CDYL2: variants seen among roughly 807,000 people sequenced by gnomAD.
The protein encoded by CDYL2 is chromodomain Y-like protein 2.
A neutral mutation model predicts 49.4 loss-of-function variants in CDYL2; 23 were observed. That is an observed-to-expected ratio of 0.47 (90% CI 0.34 to 0.66). The LOEUF (loss-of-function observed/expected upper bound fraction) is 0.66. CDYL2 is among the 30% of genes least tolerant of loss of function. The pLI is 0.01. For missense variants in CDYL2, 678 were observed against 656.4 expected, an observed-to-expected ratio of 1.03 and a Z score of -0.36; for synonymous variants, 360 against 268.8, an observed-to-expected ratio of 1.34 and a Z score of -3.32.
In CDYL2 at chr16:80,666,275, T is replaced by C. The variant is rs1274124302; in HGVS notation, c.616+18263A>G. 2.0e-5 allele frequency among the ~76,000 whole-genome samples: 3 copies of C among 152,184 alleles called. No homozygotes were observed. The East Asian group carries it at 5.8e-4, about 29-fold the overall frequency. On this transcript the variant is annotated intron_variant, in intron 2 of 6. Coordinates refer to ENST00000570137, the MANE Select transcript of CDYL2 (RefSeq NM_152342.4). ...TATGCTACCTGCAAAATGAGAGCAA[T>C]TTTAAAGGTGAAATCTTACAATACT...
chr16:80,718,032 C>G (rs1177498383), intron 1 of CDYL2, among the ~76,000 whole-genome samples: 1 of 152,148 alleles, frequency 6.6e-6, no homozygotes, highest in Admixed American at 6.5e-5. Flanking sequence ...TACCAATCAT[C>G]CTGACAAACC....
At chr16:80,643,573 T>C (rs551635249) in intron 2 of CDYL2, among the ~76,000 whole-genome samples, 5 of 152,206 alleles carry the variant, frequency 3.3e-5, no homozygotes, top group Admixed American at 6.5e-5. Context: ...CCTGCGTGGG[T>C]ATCCACGCAT....
At chr16:80,627,173 T>C (rs1049359830) in intron 3 of CDYL2, among the ~76,000 whole-genome samples, 21 of 152,204 alleles carry the variant, frequency 1.4e-4, no homozygotes, top group African/African-American at 4.1e-4. Flanking sequence ...GCAACAGATA[T>C]TCATTTTGAA....
chr16:80,757,065 T>TA (rs1332833545), intron 1 of CDYL2, among the ~76,000 whole-genome samples: 3 of 151,836 alleles, frequency 2.0e-5, no homozygotes, highest in Non-Finnish European at 2.9e-5. Context: ...GTAACACCAG[T>TA]AAAAAAATGC....
intron 2 of CDYL2, among the ~76,000 whole-genome samples, chr16:80,674,110 G>C (rs1909643652): frequency 6.6e-6 from 1 of 152,182 alleles, no homozygotes; most frequent in Non-Finnish European, 1.5e-5. Flanking sequence ...GGAGGAATTT[G>C]TTACAGCAGC....
intron 3 of CDYL2, among the ~76,000 whole-genome samples, chr16:80,630,338 G>A (rs1340343684): frequency 1.3e-5 from 2 of 152,222 alleles, no homozygotes; most frequent in African/African-American, 2.4e-5. Flanking sequence ...TTTCCATGAT[G>A]AGTGGGCAAC....
At chr16:80,780,670 G>T (rs1907234863) in intron 1 of CDYL2, among the ~76,000 whole-genome samples, 1 of 152,048 alleles carries the variant, frequency 6.6e-6, no homozygotes, top group African/African-American at 2.4e-5. Context: ...CTCCCAAAGT[G>T]CTGGATTACA....
chr16:80,632,338 A>G, intron 3 of CDYL2, among the ~76,000 whole-genome samples: 1 of 152,332 alleles, frequency 6.6e-6, no homozygotes, highest in East Asian at 1.9e-4. Context: ...GCACGTTTCC[A>G]TTGATACAAA....
At chr16:80,757,547 A>ATATAT (rs904058290) in intron 1 of CDYL2, among the ~76,000 whole-genome samples, 3 of 145,002 alleles carry the variant, frequency 2.1e-5, no homozygotes, top group Admixed American at 6.8e-5. Context: ...TCAAAAAAAA[A>ATATAT]AAAAAAATAT....
intron 1 of CDYL2, among the ~76,000 whole-genome samples, chr16:80,704,067 G>T (rs945801446): frequency 6.6e-6 from 1 of 152,216 alleles, no homozygotes; most frequent in South Asian, 2.1e-4. Context: ...CACTACCTGA[G>T]TAGAGCAAAA....
Position 80,633,012 on chromosome 16 carries a change from C to A in CDYL2, c.834+7G>T. On this transcript the variant is annotated splice_region_variant and intron_variant, in intron 3 of 6. Coordinates refer to ENST00000570137, the MANE Select transcript of CDYL2 (RefSeq NM_152342.4). The stretch of plus-strand genomic sequence containing the variant: ...GCTTGCCCTTCCCTCTGGCCGCCAC[C>A]CCTTACCTCAGGTGTCAGGGCATTG... 6.2e-7 allele frequency: 1 copy of A among 1,612,340 alleles called. No homozygotes were observed. Among genetic ancestry groups the A allele is most frequent in the South Asian group, 1.1e-5 (1 of 91,050 alleles).
At chr16:80,753,809 C>G (rs1033627589) in intron 1 of CDYL2, among the ~76,000 whole-genome samples, 1 of 152,266 alleles carries the variant, frequency 6.6e-6, no homozygotes, top group Non-Finnish European at 1.5e-5. Context: ...TGACGAATGT[C>G]TGCTTATCGA....
intron 4 of CDYL2, among the ~76,000 whole-genome samples, chr16:80,617,993 C>G (rs1040190669): frequency 6.6e-6 from 1 of 152,204 alleles, no homozygotes; most frequent in African/African-American, 2.4e-5. Context: ...GCATCAGGGT[C>G]TTGGGAATGC....
chr16:80,761,549 C>T (rs896533219), intron 1 of CDYL2, among the ~76,000 whole-genome samples: 12 of 152,138 alleles, frequency 7.9e-5, no homozygotes, highest in African/African-American at 2.9e-4. Flanking sequence ...CTGGCTCCCA[C>T]CTCCCTGTAG....
chr16:80,677,341 T>C (rs1022122957), intron 2 of CDYL2, among the ~76,000 whole-genome samples: 1 of 152,210 alleles, frequency 6.6e-6, no homozygotes, highest in African/African-American at 2.4e-5. Flanking sequence ...TTGAGTTGTA[T>C]TTCTCTATGG....
chr16:80,730,883 T>A (rs1905304451), intron 1 of CDYL2, among the ~76,000 whole-genome samples: 1 of 152,316 alleles, frequency 6.6e-6, no homozygotes, highest in South Asian at 2.1e-4. Flanking sequence ...CACATTTATA[T>A]AAAATTGTGA....
At chr16:80,649,751 C>G (rs148415434) in intron 2 of CDYL2, among the ~76,000 whole-genome samples, 58 of 152,266 alleles carry the variant, frequency 3.8e-4, no homozygotes, top group Middle Eastern at 3.4e-3. Context: ...CAGCACGGTA[C>G]TGGCATAAAA....
At chr16:80,615,086 GC>G (rs1475163808) in intron 4 of CDYL2, among the ~76,000 whole-genome samples, 1 of 152,070 alleles carries the variant, frequency 6.6e-6, no homozygotes, top group Non-Finnish European at 1.5e-5. Flanking sequence ...CATGCTTGAG[GC>G]ATCACATTCC....
chr16:80,607,989 G>C, intron 6 of CDYL2, 103 bp downstream of exon 6: 1 of 1,351,880 alleles, frequency 7.4e-7, no homozygotes. Context: ...CTTATTCCCT[G>C]TGCGACCTCT....
Sources: gnomAD v4.1 joint callset for allele counts (sites outside exome capture counted in the v4.1 genomes callset) on GRCh38, gnomAD v4.1.1 for gene constraint, MANE v1.5 for transcripts, NCBI Gene and HGNC (gene_info 2026-07-23, HGNC 2026-07-21) for gene names.